The following IGF2BP2 variants were observed in gnomAD, a reference collection of about 807,000 sequenced individuals.
The protein encoded by IGF2BP2 is insulin-like growth factor 2 mRNA-binding protein 2.
A neutral mutation model predicts 75.8 loss-of-function variants in IGF2BP2; 17 were observed. The ratio of observed to expected loss-of-function variants is 0.22; its 90% CI spans 0.15 to 0.34. The LOEUF is 0.34. Ranked by LOEUF, IGF2BP2 falls within the 10% of genes least tolerant of loss-of-function variation. The pLI, the probability that IGF2BP2 is intolerant of heterozygous loss-of-function variation, is 1.00. For synonymous variants in IGF2BP2, 288 were observed against 295.6 expected, an observed-to-expected ratio of 0.97 and a Z score of 0.26; for missense variants, 516 against 772.4, an observed-to-expected ratio of 0.67 and a Z score of 3.93.
chr3:185,710,053 T>C (rs945307740), intron 2 of IGF2BP2, among the ~76,000 whole-genome samples: 2 of 152,094 alleles, frequency 1.3e-5, no homozygotes, highest in African/African-American at 4.8e-5. Context: ...AGGACAATAT[T>C]GATCTCAGCA....
chr3:185,820,947 C>A (rs1741297303), intron 2 of IGF2BP2: 4 of 1,476,796 alleles, frequency 2.7e-6, no homozygotes, highest in Non-Finnish European at 3.6e-6. Context: ...CACAGAAATG[C>A]AACACAAGAA....
intron 2 of IGF2BP2, among the ~76,000 whole-genome samples, chr3:185,743,068 C>T (rs779572538): frequency 1.3e-5 from 2 of 152,002 alleles, no homozygotes; most frequent in Non-Finnish European, 2.9e-5. Flanking sequence ...CACTGCACTC[C>T]AGCCTGGGCG....
At chr3:185,739,456 C>T (rs1365554121) in intron 2 of IGF2BP2, among the ~76,000 whole-genome samples, 1 of 152,156 alleles carries the variant, frequency 6.6e-6, no homozygotes, top group African/African-American at 2.4e-5. Flanking sequence ...TTCCTAAACC[C>T]TTCTGTTATC....
chr3:185,645,915 CTG>C lies in IGF2BP2; in HGVS notation c.1708-294_1708-293del, dbSNP rs2149021705. Among the ~76,000 whole-genome samples, 1 of 152,286 alleles carries C rather than the reference CTG, an allele frequency of 6.6e-6. No individual in the cohort carries two copies. The highest frequency in any genetic ancestry group is 6.5e-5 in the Admixed American group (1 of 15,300). On this transcript the variant is annotated intron_variant, in intron 15 of 15. Coordinates refer to ENST00000382199, the MANE Select transcript of IGF2BP2 (RefSeq NM_006548.6). The surrounding 1 kb of genome is among the most constrained non-coding windows in gnomAD (Gnocchi z 4.9). ...GGAAGCAGAAGCAGGGCGCCAGCAA[CTG>C]GGGGCCGTGCAGAGTCAGATGCTAC... is the stretch of plus-strand genomic sequence containing the variant.
At chr3:185,746,740 T>A (rs1560401831) in intron 2 of IGF2BP2, among the ~76,000 whole-genome samples, 1 of 152,236 alleles carries the variant, frequency 6.6e-6, no homozygotes, top group East Asian at 1.9e-4. Context: ...TTTATTAAAC[T>A]TCCATTTAAA....
At chr3:185,801,480 A>C (rs1738254782) in intron 2 of IGF2BP2, among the ~76,000 whole-genome samples, 1 of 134,738 alleles carries the variant, frequency 7.4e-6, no homozygotes. Flanking sequence ...CAAGAGCAAA[A>C]CTCCATCTCA....
intron 2 of IGF2BP2, among the ~76,000 whole-genome samples, chr3:185,806,534 G>C (rs965232630): frequency 6.6e-6 from 1 of 152,142 alleles, no homozygotes; most frequent in Non-Finnish European, 1.5e-5. Context: ...GGTTACATGG[G>C]CTATGGGAAT....
At position 185,652,085 on chromosome 3, in the gene IGF2BP2, G is replaced by A. The variant is rs1177004233; in HGVS notation, c.1461+9C>T. ...AGCCTGCAGGGCTGAGGTGTCCCTT[G>A]GCACTAACCTTGAACTGGGCTTCCG... On this transcript the variant is annotated intron_variant, in intron 13 of 15. Transcript: ENST00000382199. The A allele has an allele frequency of 5.6e-6, 9 of 1,610,064 alleles. No homozygotes were observed. Among genetic ancestry groups the A allele is most frequent in the Non-Finnish European group, 6.8e-6 (8 of 1,177,342 alleles).
At position 185,665,530 on chromosome 3, in the gene IGF2BP2, GAGA is replaced by G. The variant is rs1193462670; in HGVS notation, c.1200+7008_1200+7010del. 7.7e-5 allele frequency among the ~76,000 whole-genome samples: 10 copies of G among 130,642 alleles called. 1 individual carries two copies. Among genetic ancestry groups the G allele is most frequent in the African/African-American group, 2.2e-4 (8 of 35,970 alleles). The allele number at this position is 130,642 out of a possible 152,430, so 85.7% of individuals were successfully genotyped here. ...GGAGGAGGAGGAGAAGGAGGAGGAG[GAGA>G]AGGAGGAGGAGGAGAAGGAGGAGGA... On this transcript the variant is annotated intron_variant, in intron 10 of 15. Transcript: ENST00000382199.
At chr3:185,760,038 T>A (rs1044129861) in intron 2 of IGF2BP2, among the ~76,000 whole-genome samples, 27 of 152,212 alleles carry the variant, frequency 1.8e-4, no homozygotes, top group African/African-American at 2.4e-4. Flanking sequence ...AGGATTTTTT[T>A]AAAAATCACA....
At chr3:185,697,408 T>C in intron 3 of IGF2BP2, among the ~76,000 whole-genome samples, 1 of 146,492 alleles carries the variant, frequency 6.8e-6, no homozygotes, top group East Asian at 2.1e-4. Flanking sequence ...GCCCAGGCAA[T>C]AATCGTGTGT....
rs1015260234 is a variant in IGF2BP2, at chr3:185,794,442, G to T, written c.239+28711C>A. Reference sequence around the variant, plus strand: ...AACTAACTTACATCCTCGCATTACTGATGAGAAAACTAACAGCCCAATGGG... The same window carrying T: ...AACTAACTTACATCCTCGCATTACTTATGAGAAAACTAACAGCCCAATGGG... On this transcript the variant is annotated intron_variant, in intron 2 of 15. Transcript: ENST00000382199. Among the ~76,000 whole-genome samples, 6 of 146,964 alleles carry T rather than the reference G, an allele frequency of 4.1e-5. 2 individuals carry two copies. Among genetic ancestry groups the T allele is most frequent in the Non-Finnish European group, 6.0e-5 (4 of 66,950 alleles).
intron 10 of IGF2BP2, among the ~76,000 whole-genome samples, chr3:185,659,275 G>T (rs533202820): frequency 6.6e-6 from 1 of 152,068 alleles, no homozygotes; most frequent in East Asian, 1.9e-4. Flanking sequence ...GAAAGAAAAT[G>T]AATGTGGAGA....
intron 2 of IGF2BP2, chr3:185,821,073 A>G (rs1741316311): frequency 1.3e-6 from 2 of 1,535,184 alleles, no homozygotes; most frequent in African/African-American, 2.7e-5. Context: ...CAGCTGCTTC[A>G]TCCCTGAAGT....
At chr3:185,681,371 C>A (rs1720363493) in intron 7 of IGF2BP2, among the ~76,000 whole-genome samples, 1 of 152,050 alleles carries the variant, frequency 6.6e-6, no homozygotes, top group South Asian at 2.1e-4. Flanking sequence ...TAAGAATAAA[C>A]CTAACCAAGG....
At chr3:185,672,110 T>C (rs762658650) in intron 10 of IGF2BP2, among the ~76,000 whole-genome samples, 16 of 152,214 alleles carry the variant, frequency 1.1e-4, no homozygotes, top group Non-Finnish European at 2.1e-4. Context: ...AATAAGACAA[T>C]ACATTTGACT....
intron 12 of IGF2BP2, among the ~76,000 whole-genome samples, 170 bp from the exon 13 acceptor site, chr3:185,652,338 A>G (rs1577811367): frequency 6.6e-6 from 1 of 152,136 alleles, no homozygotes; most frequent in East Asian, 1.9e-4. Flanking sequence ...TTAGGAAGTC[A>G]TGACTGTAAT....
At chr3:185,720,350 T>A (rs1440988401) in intron 2 of IGF2BP2, among the ~76,000 whole-genome samples, 3 of 152,238 alleles carry the variant, frequency 2.0e-5, no homozygotes, top group African/African-American at 7.2e-5. Flanking sequence ...ATTAATTAAT[T>A]AATTTATTTT....
At chr3:185,795,537 T>C (rs887400500) in intron 2 of IGF2BP2, among the ~76,000 whole-genome samples, 4 of 152,232 alleles carry the variant, frequency 2.6e-5, no homozygotes, top group Non-Finnish European at 5.9e-5. Context: ...TTTTCAAATG[T>C]GTCTTGAAAG....
Sources: allele counts gnomAD v4.1 joint callset (sites outside exome capture counted in the v4.1 genomes callset), GRCh38; gene constraint gnomAD v4.1.1; non-coding constraint Gnocchi (gnomAD v3.1); transcripts MANE v1.5; gene names NCBI Gene and HGNC (gene_info 2026-07-23, HGNC 2026-07-21).